GALNT10: variants seen among roughly 807,000 people sequenced by gnomAD.
GALNT10 encodes the protein polypeptide N-acetylgalactosaminyltransferase 10, also known as GalNAc transferase 10.
Under a neutral mutation model 75.0 loss-of-function variants are expected in GALNT10, and 41 were observed. The ratio of observed to expected loss-of-function variants is 0.55; its 90% CI spans 0.43 to 0.71. The LOEUF is 0.71. Among genes scored for constraint, GALNT10 ranks in the 30% least tolerant of loss-of-function variants. The pLI, the probability that GALNT10 is intolerant of heterozygous loss-of-function variation, is 0.00. For missense variants in GALNT10, 727 were observed against 818.5 expected (o/e 0.89, Z 1.36); for synonymous variants, 302 against 313.0 (o/e 0.96, Z 0.37).
chr5:154,219,834 T>TCACACACACACACACA (rs763537693), intron 1 of GALNT10, among the ~76,000 whole-genome samples: 14,887 of 128,392 alleles, frequency 0.12, 952 homozygotes, highest in Non-Finnish European at 0.16. Flanking sequence ...TCTCTCTCTC[T>TCACACACACACACACA]CTCTCACACA....
In GALNT10 at chr5:154,402,009, G is replaced by A. The variant is rs1400805284; in HGVS notation, c.1057-2095G>A. ...ATCGCCTCAGCACCCCTCACCCAGGGTCAGGACGGTCTCATATCAGGACGA... is the reference window on the plus strand; with the variant it reads ...ATCGCCTCAGCACCCCTCACCCAGGATCAGGACGGTCTCATATCAGGACGA... On this transcript the variant is annotated intron_variant, in intron 7 of 11. Transcript: ENST00000297107. The surrounding 1 kb of genome is among the most constrained non-coding windows in gnomAD (Gnocchi z 4.2). 1.3e-5 allele frequency among the ~76,000 whole-genome samples: 2 copies of A among 152,094 alleles called. No homozygotes were observed. The highest frequency in any genetic ancestry group is 2.4e-5 in the African/African-American group (1 of 41,404).
In GALNT10 at chr5:154,412,730, C is replaced by T. The variant is rs749480015; in HGVS notation, c.1387-159C>T. The T allele has an allele frequency of 8.8e-6, 6 of 678,660 alleles. No homozygotes were observed. The highest frequency in any genetic ancestry group is 1.6e-5 in the Non-Finnish European group (6 of 374,122). The allele number at this position is 678,660 out of a possible 1,614,324, so 42.0% of individuals were successfully genotyped here. A position where few individuals can be genotyped will look rare whatever the true frequency, so the allele number is the denominator to read the frequency against. ...GACTGAGTCTTCCTTCATTGAGAGGCTCAAGGTACTTCCAACAGCCCAGGG... is the reference window on the plus strand; with the variant it reads ...GACTGAGTCTTCCTTCATTGAGAGGTTCAAGGTACTTCCAACAGCCCAGGG... On this transcript the variant is annotated intron_variant, in intron 9 of 11. Coordinates refer to ENST00000297107, the MANE Select transcript of GALNT10 (RefSeq NM_198321.4). The surrounding 1 kb of genome is among the most constrained non-coding windows in gnomAD (Gnocchi z 4.2).
intron 1 of GALNT10, among the ~76,000 whole-genome samples, chr5:154,236,768 T>C (rs547219716): frequency 6.6e-6 from 1 of 152,282 alleles, no homozygotes; most frequent in East Asian, 1.9e-4. Flanking sequence ...ATTTAGAAAA[T>C]GTACCCTGGA....
intron 7 of GALNT10, chr5:154,393,078 A>AAAAAAAAAC (rs1561680980): frequency 7.2e-6 from 1 of 139,672 alleles, no homozygotes; most frequent in Non-Finnish European, 1.5e-5. Flanking sequence ...AAAAAAAAAA[A>AAAAAAAAAC]CCCATTTTTT....
Position 154,376,502 on chromosome 5 carries a change from A to G in GALNT10, c.754+40A>G. On this transcript the variant is annotated intron_variant, in intron 5 of 11. Transcript: ENST00000297107. The surrounding 1 kb of genome is among the most constrained non-coding windows in gnomAD (Gnocchi z 4.1). The stretch of plus-strand genomic sequence containing the variant: ...CCCACTTGGAGGGAGGCAAACTGCA[A>G]TGAGCCAGTGCCAGTGGCCCCCTCC... 2 of 1,465,130 alleles carry G rather than the reference A, an allele frequency of 1.4e-6. No individual in the cohort carries two copies. The highest frequency in any genetic ancestry group is 9.2e-7 in the Non-Finnish European group (1 of 1,082,666). 90.8% of individuals were successfully genotyped at this position (1,465,130 alleles called of 1,614,324 possible). A position where few individuals can be genotyped will look rare whatever the true frequency, so the allele number is the denominator to read the frequency against.
chr5:154,396,228 G>GAATT, intron 7 of GALNT10, among the ~76,000 whole-genome samples: 1 of 152,246 alleles, frequency 6.6e-6, no homozygotes. Context: ...ATGAATGAAT[G>GAATT]AATTAGGTAA....
At chr5:154,344,209 C>CTT (rs869306243) in intron 4 of GALNT10, among the ~76,000 whole-genome samples, 1 of 35,506 alleles carries the variant, frequency 2.8e-5, no homozygotes. Context: ...TTCTTTCTTT[C>CTT]TTTTTTTTTT....
At chr5:154,286,283 A>C (rs1394618749) in intron 1 of GALNT10, among the ~76,000 whole-genome samples, 1 of 152,184 alleles carries the variant, frequency 6.6e-6, no homozygotes, top group African/African-American at 2.4e-5. Context: ...TTCATCATAC[A>C]CTTAAGTTGA....
intron 7 of GALNT10, among the ~76,000 whole-genome samples, chr5:154,395,019 C>G (rs1159469619): frequency 6.6e-6 from 1 of 152,232 alleles, no homozygotes; most frequent in East Asian, 1.9e-4. Flanking sequence ...CCTGTGGAGC[C>G]TGCTTCTCCC....
intron 6 of GALNT10, among the ~76,000 whole-genome samples, chr5:154,382,559 A>G (rs1057406443): frequency 2.0e-5 from 3 of 152,190 alleles, no homozygotes; most frequent in African/African-American, 4.8e-5. Context: ...CATGATCCTT[A>G]TAATAATGTA....
chr5:154,299,164 G>A (rs1016034688), intron 3 of GALNT10, among the ~76,000 whole-genome samples: 3 of 152,204 alleles, frequency 2.0e-5, no homozygotes, highest in Non-Finnish European at 4.4e-5. Context: ...GTGGTTCCCA[G>A]ACCAGCAATA....
intron 1 of GALNT10, among the ~76,000 whole-genome samples, chr5:154,240,037 A>G (rs368491537): frequency 1.3e-4 from 20 of 152,226 alleles, no homozygotes; most frequent in East Asian, 9.6e-4. Flanking sequence ...GCCTGAATCC[A>G]GAAGCTCCCT....
chr5:154,346,642 A>C (rs139873844), intron 4 of GALNT10, among the ~76,000 whole-genome samples: 2 of 152,364 alleles, frequency 1.3e-5, no homozygotes, highest in African/African-American at 2.4e-5. Flanking sequence ...TGGCAGTACC[A>C]GGAACCAAAT....
chr5:154,343,391 A>G (rs111473110), intron 4 of GALNT10, among the ~76,000 whole-genome samples: 2,086 of 152,258 alleles, frequency 0.014, 43 homozygotes, highest in African/African-American at 0.046. Context: ...TCTCTGGCCC[A>G]TTGTAAGGAT....
chr5:154,312,354 C>G (rs1561658031), intron 3 of GALNT10, among the ~76,000 whole-genome samples: 1 of 152,306 alleles, frequency 6.6e-6, no homozygotes, highest in East Asian at 1.9e-4. Flanking sequence ...TCCCTCTCCC[C>G]TCTCTATCCC....
intron 7 of GALNT10, 187 bp downstream of exon 7, chr5:154,386,617 G>GGGGGGGCC: frequency 5.5e-6 from 2 of 365,830 alleles, no homozygotes; most frequent in Non-Finnish European, 1.1e-5. Context: ...GGGGGTGTGG[G>GGGGGGGCC]AGGGAAGGGG....
chr5:154,293,613 A>ATTTTTTTTTTTTTTTTTTTTT (rs1201863629), intron 1 of GALNT10, among the ~76,000 whole-genome samples: 61 of 109,358 alleles, frequency 5.6e-4, no homozygotes, highest in Middle Eastern at 4.8e-3. Flanking sequence ...ATATATATAT[A>ATTTTTTTTTTTTTTTTTTTTT]TTTTTTTTTT....
At chr5:154,394,397 C>T (rs145311360) in intron 7 of GALNT10, among the ~76,000 whole-genome samples, 64 of 149,482 alleles carry the variant, frequency 4.3e-4, no homozygotes, top group African/African-American at 1.2e-3. Flanking sequence ...TGAAACAGGA[C>T]GTGTGAAAAG....
chr5:154,390,869 A>G (rs1254209478), intron 7 of GALNT10, among the ~76,000 whole-genome samples: 1 of 152,250 alleles, frequency 6.6e-6, no homozygotes, highest in Non-Finnish European at 1.5e-5. Flanking sequence ...AGTTATTTAC[A>G]ATAGACTTGG....
Sources: gnomAD v4.1 joint callset for allele counts (sites outside exome capture counted in the v4.1 genomes callset) on GRCh38, gnomAD v4.1.1 for gene constraint, Gnocchi (gnomAD v3.1) non-coding constraint, MANE v1.5 for transcripts, NCBI Gene and HGNC (gene_info 2026-07-23, HGNC 2026-07-21) for gene names.